The following POLE variants were observed in gnomAD, a reference collection of about 807,000 sequenced individuals.
POLE encodes DNA polymerase epsilon, catalytic subunit, also known as DNA polymerase epsilon catalytic subunit A.
A neutral mutation model predicts 279.2 loss-of-function variants in POLE; 188 were observed. The ratio of observed to expected loss-of-function variants is 0.67; its 90% CI spans 0.60 to 0.76. POLE has a LOEUF of 0.76. POLE is among the 30% of genes least tolerant of loss of function. The pLI is 0.00. For synonymous variants in POLE, 1,214 were observed against 1,172.5 expected (o/e 1.04, Z -0.72); for missense variants, 2,703 against 3,016.7 (o/e 0.90, Z 2.44).
rs1481962340 is a variant in POLE at position 132,638,962 on chromosome 12, A to T, written c.5552+163T>A. 6.2e-6 allele frequency: 4 copies of T among 643,688 alleles called. No individual in the cohort carries two copies. The South Asian group carries it at 7.7e-5, about 12-fold the overall frequency. The allele number at this position is 643,688 out of a possible 1,614,324, so 39.9% of individuals were successfully genotyped here. The stretch of plus-strand genomic sequence containing the variant: ...GATGTGCAGGCGACGCTGCAGCAGC[A>T]GCTGCGTGTTTCTCTGGGATCCTTT... On this transcript the variant is annotated intron_variant, in intron 40 of 48. Coordinates refer to ENST00000320574, the MANE Select transcript of POLE (RefSeq NM_006231.4).
chr12:132,668,976 C>T lies in POLE; in HGVS notation c.1795-37G>A. ...GCGAAACTCAGTAGAGGCTGGTGAC[C>T]AAGCTTGCCTCGTGTGCAGTTCACC... On this transcript the variant is annotated intron_variant, in intron 16 of 48. Transcript: ENST00000320574. This position sits in a 1 kb window ranked among gnomAD's most constrained non-coding sequence, Gnocchi z 4.0. The T allele has an allele frequency of 6.2e-7, 1 of 1,601,744 alleles. No homozygotes were observed. The highest frequency in any genetic ancestry group is 8.5e-7 in the Non-Finnish European group (1 of 1,171,098).
chr12:132,659,013 T>C (rs2042616382), intron 26 of POLE, among the ~76,000 whole-genome samples: 1 of 152,008 alleles, frequency 6.6e-6, no homozygotes, highest in South Asian at 2.1e-4. Flanking sequence ...CTGTCAGTGT[T>C]GTAACCTGTA....
Position 132,675,396 on chromosome 12 carries a change from A to G in POLE, c.1226+2T>C. ...GGAGCCATGCTGCTCTGTGGCCCCT[A>G]CCTGAGGCAGTCCATGTGGATGCAC... On this transcript the variant is annotated splice_donor_variant, in intron 12 of 48. Coordinates refer to ENST00000320574, the MANE Select transcript of POLE (RefSeq NM_006231.4). LOFTEE classifies it high-confidence loss of function. This position sits in a 1 kb window ranked among gnomAD's most constrained non-coding sequence, Gnocchi z 4.3. 6.2e-7 allele frequency: 1 copy of G among 1,613,798 alleles called. No homozygotes were observed. The highest frequency in any genetic ancestry group is 8.5e-7 in the Non-Finnish European group (1 of 1,179,918).
At chr12:132,678,591 A>G (rs2043106933) in intron 6 of POLE, among the ~76,000 whole-genome samples, 1 of 152,146 alleles carries the variant, frequency 6.6e-6, no homozygotes, top group South Asian at 2.1e-4. Flanking sequence ...CAAATAAGTA[A>G]ATAGAAGAAA....
At position 132,632,711 on chromosome 12, in the gene POLE, GC is replaced by G. The variant is rs1060500809; in HGVS notation, c.6088del (p.Ala2030ProfsTer18). On this transcript the variant is annotated frameshift_variant, in exon 44 of 49. Coordinates refer to ENST00000320574, the MANE Select transcript of POLE (RefSeq NM_006231.4). LOFTEE classifies it high-confidence loss of function. ...PGSTPVRRRG[A>X]SQLSQEAEGA... Reference sequence around the variant, plus strand: ...CTCGGCCTCCTGGGAGAGCTGGCTGGCCCCCCTCCTCCTCACGGGGGTGCTC... The same window carrying G: ...CTCGGCCTCCTGGGAGAGCTGGCTGGCCCCCTCCTCCTCACGGGGGTGCTC... The G allele has an allele frequency of 6.2e-7, 1 of 1,613,688 alleles. No individual in the cohort carries two copies. Among genetic ancestry groups the G allele is most frequent in the African/African-American group, 1.3e-5 (1 of 75,000 alleles).
chr12:132,642,992 C>T lies in POLE; in HGVS notation c.4556G>A (p.Arg1519His), dbSNP rs376530977. 44 of 1,591,204 alleles carry T rather than the reference C, an allele frequency of 2.8e-5. No individual in the cohort carries two copies. The highest frequency in any genetic ancestry group is 4.5e-5 in the East Asian group (2 of 44,738). ...GCCAAGGCTGGGCATCTGGTTGCTGCGCACCTAGACCAACGCAGGCCACGT... is the reference window on the plus strand; with the variant it reads ...GCCAAGGCTGGGCATCTGGTTGCTGTGCACCTAGACCAACGCAGGCCACGT... Reference protein sequence around the residue: ...RASVFVLDTVRSNQMPSLGAL... With the variant: ...RASVFVLDTVHSNQMPSLGAL... The change falls in exon 36 of 49, where the codon CGC becomes CAC. Residue 1519 changes from arginine (R) to histidine (H), a missense_variant. By Grantham distance (29) the Arg-to-His change is conservative. Transcript: ENST00000320574.
rs764220093 is a variant in POLE at position 132,632,755 on chromosome 12, C to T, written c.6045G>A (p.Leu2015=). The change falls in exon 44 of 49, where the codon CTG becomes CTA. Residue 2015 remains leucine, a synonymous_variant. Coordinates refer to ENST00000320574, the MANE Select transcript of POLE (RefSeq NM_006231.4). Reference sequence around the variant, plus strand: ...GGGTGCTCCCTGGAGCACTGCGCCTCAGCCCGTCCTTCATGCAGTGGTACA... The same window carrying T: ...GGGTGCTCCCTGGAGCACTGCGCCTTAGCCCGTCCTTCATGCAGTGGTACA... ...VAVYHCMKDG[L]RRSAPGSTPV... is the part of the protein sequence containing the mutation. 15 of 1,612,652 alleles carry T rather than the reference C, an allele frequency of 9.3e-6. No individual in the cohort carries two copies. The East Asian group carries it at 1.8e-4, about 19-fold the overall frequency.
Position 132,672,635 on chromosome 12 carries a change from A to T in POLE, c.1678T>A (p.Phe560Ile). Residue 560 changes from phenylalanine to isoleucine, a missense_variant, in exon 15 of 49, where the codon TTT becomes ATT. Physicochemically the swap from Phe to Ile is conservative, Grantham distance 21. Around this residue, in one of 5 missense-constraint regions of POLE, gnomAD observed 1,011 missense variants for 1,111.7 expected, o/e 0.91. Coordinates refer to ENST00000320574, the MANE Select transcript of POLE (RefSeq NM_006231.4). ...GVFRSDIPCRFRMNPAAFDFL... is the reference protein window; with the variant it reads ...GVFRSDIPCRIRMNPAAFDFL... Reference sequence around the variant, plus strand: ...CCAGGGAAGAAGCACACCATCCTAAACCGGCAAGGGATATCGCTGCGGAAA... The same window carrying T: ...CCAGGGAAGAAGCACACCATCCTAATCCGGCAAGGGATATCGCTGCGGAAA... 1 of 1,613,962 alleles carries T rather than the reference A, an allele frequency of 6.2e-7. No homozygotes were observed. The highest frequency in any genetic ancestry group is 8.5e-7 in the Non-Finnish European group (1 of 1,179,958).
rs575738148 is a variant in POLE at position 132,657,225 on chromosome 12, C to T, written c.3493G>A (p.Asp1165Asn). 23 of 1,613,980 alleles carry T rather than the reference C, an allele frequency of 1.4e-5. No homozygotes were observed. The highest frequency in any genetic ancestry group is 4.4e-5 in the South Asian group (4 of 91,068). Residue 1165 changes from aspartate (D) to asparagine (N), a missense_variant, in exon 29 of 49, where the codon GAC (aspartate) becomes AAC (asparagine). Around this residue, in one of 5 missense-constraint regions of POLE, gnomAD observed 1,551 missense variants for 1,686.1 expected, o/e 0.92. Transcript: ENST00000320574. ...KNPVPRVKHP[D>N]WLHKKLLEKN... ...TCCAGCAGTTTTTTGTGCAGCCAGT[C>T]GGGGTGTTTGACACGTGGCACTGGG...
intron 32 of POLE, among the ~76,000 whole-genome samples, chr12:132,646,402 T>C (rs1344124193): frequency 6.6e-6 from 1 of 152,046 alleles, no homozygotes; most frequent in Admixed American, 6.6e-5. Context: ...CACTTAACTA[T>C]ATGTAAATTA....
chr12:132,634,576 G>A lies in POLE; in HGVS notation c.5812-198C>T, dbSNP rs1287474057. Among the ~76,000 whole-genome samples, 2 of 152,154 alleles carry A rather than the reference G, an allele frequency of 1.3e-5. No homozygotes were observed. Among genetic ancestry groups the A allele is most frequent in the African/African-American group, 4.8e-5 (2 of 41,432 alleles). ...CAGTACAAAGTGCTTTGTGGGAAGC[G>A]CCTGGCACACAGAAGTGCTCGTGAC... On this transcript the variant is annotated intron_variant, in intron 42 of 48. Transcript: ENST00000320574. The surrounding 1 kb of genome is among the most constrained non-coding windows in gnomAD (Gnocchi z 4.0).
Position 132,634,448 on chromosome 12 carries a change from C to G in POLE, c.5812-70G>C, listed in dbSNP as rs1254957981. On this transcript the variant is annotated intron_variant, in intron 42 of 48. Transcript: ENST00000320574. The surrounding 1 kb of genome is among the most constrained non-coding windows in gnomAD (Gnocchi z 4.0). Reference sequence around the variant, plus strand: ...CTGGTAGAGGGGTAGGATGCCACAGCGAAGGCTCCTCCAACCTGGGTCCAT... The same window carrying G: ...CTGGTAGAGGGGTAGGATGCCACAGGGAAGGCTCCTCCAACCTGGGTCCAT... 41 of 1,476,484 alleles carry G rather than the reference C, an allele frequency of 2.8e-5. 1 individual carries two copies. In the South Asian group the frequency reaches 5.0e-4, roughly 18 times the overall value. The allele number at this position is 1,476,484 out of a possible 1,614,324, so 91.5% of individuals were successfully genotyped here. A position where few individuals can be genotyped will look rare whatever the true frequency, so the allele number is the denominator to read the frequency against.
chr12:132,661,797 A>C lies in POLE; in HGVS notation c.2707-113T>G. On this transcript the variant is annotated intron_variant, in intron 23 of 48. Transcript: ENST00000320574. This position sits in a 1 kb window ranked among gnomAD's most constrained non-coding sequence, Gnocchi z 4.1. ...TTGACAAACCGAGGCTTTTCCACAT[A>C]ACTAACACGACTTGGCAGCAGGAAG... 1 of 1,030,102 alleles carries C rather than the reference A, an allele frequency of 9.7e-7. No homozygotes were observed. The highest frequency in any genetic ancestry group is 1.4e-6 in the Non-Finnish European group (1 of 700,172). 63.8% of individuals were successfully genotyped at this position (1,030,102 alleles called of 1,614,324 possible). A position where few individuals can be genotyped will look rare whatever the true frequency, so the allele number is the denominator to read the frequency against.
chr12:132,649,012 G>T lies in POLE; in HGVS notation c.4066C>A (p.His1356Asn), dbSNP rs557732922. Residue 1356 changes from histidine (H) to asparagine (N), a missense_variant, in exon 32 of 49, where the codon CAC (histidine) becomes AAC (asparagine). Coordinates refer to ENST00000320574, the MANE Select transcript of POLE (RefSeq NM_006231.4). ...RLWALVGSDL[H>N]CIRLSIPRVF... ...CGGGGGATGCTCAGCCTGATGCAGT[G>T]CAAGTCACTGCCAACGAGCGCCCAC... The T allele has an allele frequency of 1.2e-6, 2 of 1,613,968 alleles. No homozygotes were observed. Among genetic ancestry groups the T allele is most frequent in the Admixed American group, 1.7e-5 (1 of 60,028 alleles).
At chr12:132,635,137 C>A (rs2042007018) in intron 42 of POLE, among the ~76,000 whole-genome samples, 1 of 152,152 alleles carries the variant, frequency 6.6e-6, no homozygotes, top group African/African-American at 2.4e-5. Context: ...CAGCCACTCT[C>A]TGGCCACTCC....
chr12:132,683,110 G>C (rs565030031), intron 1 of POLE, among the ~76,000 whole-genome samples: 1 of 152,174 alleles, frequency 6.6e-6, no homozygotes, highest in East Asian at 1.9e-4. Flanking sequence ...AACCACTTGT[G>C]GTAGGCAGGC....
At position 132,665,386 on chromosome 12, in the gene POLE, T is replaced by C. The variant is rs867677414; in HGVS notation, c.2384A>G (p.Lys795Arg). 1.1e-5 allele frequency: 17 copies of C among 1,613,904 alleles called. No individual in the cohort carries two copies. The Middle Eastern group carries it at 1.6e-3, about 157-fold the overall frequency. ...CGAGTCATACAGCACCTCCATGTTCTTGCAGCGCTTCACCTCAGCCGCGTC... is the reference window on the plus strand; with the variant it reads ...CGAGTCATACAGCACCTCCATGTTCCTGCAGCGCTTCACCTCAGCCGCGTC... ...VGDAAEVKRCKNMEVLYDSLQ... is the reference protein window; with the variant it reads ...VGDAAEVKRCRNMEVLYDSLQ... The change falls in exon 21 of 49, where the codon AAG (lysine) becomes AGG (arginine). Residue 795 changes from lysine (K) to arginine (R), a missense_variant. This residue lies in a region of POLE where 1,011 missense variants were observed against 1,111.7 expected (regional missense o/e 0.91). Coordinates refer to ENST00000320574, the MANE Select transcript of POLE (RefSeq NM_006231.4).
Position 132,664,172 on chromosome 12 carries a change from G to T in POLE, c.2562-24C>A. ...TCCTTCAGAGAAAGAGAGGAGCAAGGTCGTGAGTTCCCCTTTCCTTTTCAC... is the reference window on the plus strand; with the variant it reads ...TCCTTCAGAGAAAGAGAGGAGCAAGTTCGTGAGTTCCCCTTTCCTTTTCAC... On this transcript the variant is annotated intron_variant, in intron 22 of 48. Coordinates refer to ENST00000320574, the MANE Select transcript of POLE (RefSeq NM_006231.4). The surrounding 1 kb of genome is among the most constrained non-coding windows in gnomAD (Gnocchi z 5.3). The T allele has an allele frequency of 6.2e-7, 1 of 1,612,400 alleles. No individual in the cohort carries two copies. Among genetic ancestry groups the T allele is most frequent in the East Asian group, 2.2e-5 (1 of 44,886 alleles).
intron 39 of POLE, chr12:132,640,982 C>T (rs2042128511): frequency 6.6e-6 from 3 of 456,620 alleles, no homozygotes. Context: ...TGAGTACAGG[C>T]TCTGGAATTA....
Sources: gnomAD v4.1 joint callset for allele counts (sites outside exome capture counted in the v4.1 genomes callset) on GRCh38, gnomAD v4.1.1 for gene constraint, gnomAD v4.1.1 regional missense constraint, Gnocchi (gnomAD v3.1) non-coding constraint, MANE v1.5 for transcripts, NCBI Gene and HGNC (gene_info 2026-07-23, HGNC 2026-07-21) for gene names.